The following NTM variants were observed in gnomAD, a reference collection of about 807,000 sequenced individuals.
NTM encodes IgLON family member 2.
NTM carries 13 observed loss-of-function variants against 42.1 expected under a neutral mutation model. The observed-to-expected ratio is 0.31, with a 90% confidence interval of 0.20 to 0.49. The LOEUF is 0.49. Among genes scored for constraint, NTM ranks in the 20% least tolerant of loss-of-function variants. The probability of loss-of-function intolerance (pLI) is 0.99; values close to 1 mark genes in which losing one functional copy is unlikely to be tolerated. For missense variants in NTM, 373 were observed against 452.8 expected, an observed-to-expected ratio of 0.82 and a Z score of 1.60; for synonymous variants, 187 against 179.2, an observed-to-expected ratio of 1.04 and a Z score of -0.35.
intron 1 of NTM, among the ~76,000 whole-genome samples, chr11:131,411,164 G>C (rs1946358142): frequency 6.6e-6 from 1 of 152,122 alleles, no homozygotes; most frequent in African/African-American, 2.4e-5. Flanking sequence ...GGGTTTCATG[G>C]ACTCCTCCTG....
chr11:131,784,484 A>G (rs1197852259), intron 1 of NTM, among the ~76,000 whole-genome samples: 2 of 152,224 alleles, frequency 1.3e-5, no homozygotes, highest in East Asian at 1.9e-4. Context: ...TGCTGAGCCA[A>G]AAAAACTAGA....
At chr11:131,496,316 C>G (rs1260722761) in intron 1 of NTM, among the ~76,000 whole-genome samples, 2 of 152,222 alleles carry the variant, frequency 1.3e-5, no homozygotes, top group African/African-American at 4.8e-5. Flanking sequence ...TGGAGTTCAG[C>G]CCCATGTCTG....
intron 8 of NTM, among the ~76,000 whole-genome samples, chr11:132,333,813 G>A (rs1006303783): frequency 2.0e-5 from 3 of 152,158 alleles, no homozygotes; most frequent in Admixed American, 6.5e-5. Context: ...ATCCCAAAAG[G>A]CCAAGACATA....
At chr11:131,386,526 G>A (rs1943335853) in intron 1 of NTM, among the ~76,000 whole-genome samples, 1 of 152,254 alleles carries the variant, frequency 6.6e-6, no homozygotes, top group South Asian at 2.1e-4. Context: ...TGTCTGTGGT[G>A]TAGGAAGGAG....
chr11:131,822,727 C>T (rs1287351048), intron 1 of NTM, among the ~76,000 whole-genome samples: 2 of 152,052 alleles, frequency 1.3e-5, no homozygotes, highest in African/African-American at 4.8e-5. Context: ...TCATTAACTT[C>T]CCATTGCTTA....
intron 3 of NTM, among the ~76,000 whole-genome samples, chr11:132,188,058 G>T (rs1273605728): frequency 2.6e-5 from 4 of 152,156 alleles, no homozygotes; most frequent in Non-Finnish European, 5.9e-5. Flanking sequence ...GGAACATTTG[G>T]CAATGACTTG....
intron 1 of NTM, among the ~76,000 whole-genome samples, chr11:131,516,154 G>A (rs2048862758): frequency 6.6e-6 from 1 of 152,156 alleles, no homozygotes; most frequent in Non-Finnish European, 1.5e-5. Context: ...GATTTCTGAA[G>A]TATGCTTTTA....
chr11:131,875,214 G>T (rs562051783), intron 1 of NTM, among the ~76,000 whole-genome samples: 2 of 152,254 alleles, frequency 1.3e-5, no homozygotes, highest in East Asian at 1.9e-4. Flanking sequence ...AAAAATTCTG[G>T]TTTATTGGTT....
chr11:131,784,681 C>T (rs2088814078), intron 1 of NTM, among the ~76,000 whole-genome samples: 1 of 152,126 alleles, frequency 6.6e-6, no homozygotes, highest in Non-Finnish European at 1.5e-5. Context: ...GGTGGTGACA[C>T]ACACAGACAC....
At chr11:132,203,984 G>A (rs2081560489) in intron 3 of NTM, among the ~76,000 whole-genome samples, 1 of 152,140 alleles carries the variant, frequency 6.6e-6, no homozygotes, top group African/African-American at 2.4e-5. Flanking sequence ...TGACTCCTCT[G>A]AGTATCGGTA....
At chr11:131,560,954 C>G (rs1040206415) in intron 1 of NTM, among the ~76,000 whole-genome samples, 4 of 152,180 alleles carry the variant, frequency 2.6e-5, no homozygotes, top group Non-Finnish European at 4.4e-5. Context: ...GGCTGACCAT[C>G]CCGGCTACCT....
In NTM at chr11:132,157,338, A is replaced by T. The variant is rs1336801426; in HGVS notation, c.400+10824A>T. ...CTCATCTTTTTCATTATTTCTTTTT[A>T]AAAAAAATCTCTTTGGAGATGCACC... On this transcript the variant is annotated intron_variant, in intron 3 of 8. Transcript: ENST00000683400. Among the ~76,000 whole-genome samples, 7 of 152,110 alleles carry T rather than the reference A, an allele frequency of 4.6e-5. No individual in the cohort carries two copies. In the East Asian group the frequency reaches 9.6e-4, roughly 21 times the overall value.
At chr11:132,316,112 T>C (rs2095422222) in intron 7 of NTM, among the ~76,000 whole-genome samples, 1 of 149,846 alleles carries the variant, frequency 6.7e-6, no homozygotes, top group South Asian at 2.1e-4. Context: ...GGGGTAGTCT[T>C]CCCCCCGCCA....
chr11:131,911,169 C>T lies in NTM; in HGVS notation c.83-395C>T, dbSNP rs2054855957. On this transcript the variant is annotated intron_variant, in intron 1 of 8. Coordinates refer to ENST00000683400, the MANE Select transcript of NTM (RefSeq NM_001352005.2). ...GGAAGAAGCGGCTCCTGAGACGCGCCCACACCTTTCACCTGCCGCGCGCTT... is the reference window on the plus strand; with the variant it reads ...GGAAGAAGCGGCTCCTGAGACGCGCTCACACCTTTCACCTGCCGCGCGCTT... 6 of 1,328,080 alleles carry T rather than the reference C, an allele frequency of 4.5e-6. No individual in the cohort carries two copies. In the South Asian group the frequency reaches 8.1e-5, roughly 18 times the overall value. The allele number at this position is 1,328,080 out of a possible 1,614,324, so 82.3% of individuals were successfully genotyped here. A position where few individuals can be genotyped will look rare whatever the true frequency, so the allele number is the denominator to read the frequency against.
At chr11:131,953,236 G>C (rs2061211706) in intron 2 of NTM, among the ~76,000 whole-genome samples, 1 of 152,094 alleles carries the variant, frequency 6.6e-6, no homozygotes, top group African/African-American at 2.4e-5. Context: ...GAGGTGCTAA[G>C]CCTTCTAAAA....
chr11:132,075,704 T>C lies in NTM; in HGVS notation c.168-70578T>C, dbSNP rs142187839. Among the ~76,000 whole-genome samples, 304 of 152,332 alleles carry C rather than the reference T, an allele frequency of 2.0e-3. 1 individual carries two copies. The highest frequency in any genetic ancestry group is 7.1e-3 in the African/African-American group (296 of 41,586). ...CTGTTTATTCATTTTTCTAAAGAAT[T>C]CTTTTAGCACATAGCCTCTTCCCAG... On this transcript the variant is annotated intron_variant, in intron 2 of 8. Coordinates refer to ENST00000683400, the MANE Select transcript of NTM (RefSeq NM_001352005.2).
chr11:132,211,544 A>G (rs540014236), intron 3 of NTM, among the ~76,000 whole-genome samples: 4 of 152,350 alleles, frequency 2.6e-5, no homozygotes, highest in East Asian at 3.9e-4. Context: ...ATGGCCATGG[A>G]AAGGTGGGCT....
chr11:131,638,769 T>A (rs2064759270), intron 1 of NTM, among the ~76,000 whole-genome samples: 1 of 152,036 alleles, frequency 6.6e-6, no homozygotes, highest in African/African-American at 2.4e-5. Context: ...AGCCAGGAAA[T>A]CTTGGACAAT....
At chr11:131,504,434 G>T (rs1349815182) in intron 1 of NTM, among the ~76,000 whole-genome samples, 3 of 152,144 alleles carry the variant, frequency 2.0e-5, no homozygotes, top group East Asian at 1.9e-4. Flanking sequence ...AAACCCCTTG[G>T]GGCTTGGCAG....
Sources: allele counts gnomAD v4.1 joint callset (sites outside exome capture counted in the v4.1 genomes callset), GRCh38; gene constraint gnomAD v4.1.1; transcripts MANE v1.5; gene names NCBI Gene and HGNC (gene_info 2026-07-23, HGNC 2026-07-21).